Variants in PSPH observed in about 807,000 individuals in gnomAD.
PSPH encodes L-3-phosphoserine phosphatase.
A neutral mutation model predicts 23.4 loss-of-function variants in PSPH; 16 were observed. The ratio of observed to expected loss-of-function variants is 0.68; its 90% CI spans 0.46 to 1.04. The LOEUF (loss-of-function observed/expected upper bound fraction) is 1.04, where lower values mean the gene tolerates loss of function less well. Ranked by LOEUF, PSPH falls within the 50% of genes least tolerant of loss-of-function variation. The probability of loss-of-function intolerance (pLI) is 0.00; values close to 1 mark genes in which losing one functional copy is unlikely to be tolerated. For synonymous variants in PSPH, 68 were observed against 99.7 expected, an observed-to-expected ratio of 0.68 and a Z score of 1.89; for missense variants, 223 against 273.7, an observed-to-expected ratio of 0.81 and a Z score of 1.31.
intron 4 of PSPH, among the ~76,000 whole-genome samples, chr7:56,020,670 G>T (rs1219555885): frequency 1.3e-5 from 2 of 152,054 alleles, no homozygotes. Flanking sequence ...TGGGGGACTG[G>T]GACTGCAGAG....
chr7:56,038,622 C>A (rs1285029541), intron 1 of PSPH, among the ~76,000 whole-genome samples: 1 of 151,912 alleles, frequency 6.6e-6, no homozygotes, highest in Non-Finnish European at 1.5e-5. Flanking sequence ...ATCGCTTGAG[C>A]CCAGGAGTTC....
At chr7:56,029,339 G>C (rs1437769095) in intron 3 of PSPH, among the ~76,000 whole-genome samples, 1 of 151,996 alleles carries the variant, frequency 6.6e-6, no homozygotes, top group Non-Finnish European at 1.5e-5. Flanking sequence ...GGCCAGGGTA[G>C]AAGACATGCC....
intron 2 of PSPH, chr7:56,033,511 T>G (rs1302924837): frequency 6.9e-6 from 1 of 145,068 alleles, no homozygotes; most frequent in Non-Finnish European, 1.5e-5. Context: ...AAAAAAAAAA[T>G]AAATAAAAAT....
At position 56,017,366 on chromosome 7, in the gene PSPH, G is replaced by A. The variant is rs754344374; in HGVS notation, c.289C>T (p.Arg97Cys). The change falls in exon 6 of 8, where the codon CGC (arginine) becomes TGC (cysteine). Residue 97 changes from arginine (R) to cysteine (C), a missense_variant. Physicochemically the swap from Arg to Cys is radical, Grantham distance 180. Transcript: ENST00000275605. Reference sequence around the variant, plus strand: ...ACCTGAACATTTCGCTCCTGTAGGCGACTTACCAGCTCCCTGCAAAATAAA... The same window carrying A: ...ACCTGAACATTTCGCTCCTGTAGGCAACTTACCAGCTCCCTGCAAAATAAA... Reference protein sequence around the residue: ...LTPGIRELVSRLQERNVQVFL... With the variant: ...LTPGIRELVSCLQERNVQVFL... 3.4e-6 allele frequency: 5 copies of A among 1,478,364 alleles called. No homozygotes were observed. Among genetic ancestry groups the A allele is most frequent in the African/African-American group, 1.5e-5 (1 of 68,718 alleles). 91.6% of individuals were successfully genotyped at this position (1,478,364 alleles called of 1,614,324 possible).
chr7:56,017,086 C>CA (rs1788658615), intron 6 of PSPH, 148 bp downstream of exon 6: 1 of 1,409,418 alleles, frequency 7.1e-7, no homozygotes, highest in African/African-American at 1.4e-5. Flanking sequence ...CAAAGGGTAC[C>CA]AAAGGGCAAA....
rs2116513736 is a variant in PSPH at position 56,015,061 on chromosome 7, C to T, written c.532G>A (p.Gly178Arg). 6.2e-7 allele frequency: 1 copy of T among 1,614,084 alleles called. No homozygotes were observed. Among genetic ancestry groups the T allele is most frequent in the East Asian group, 2.2e-5 (1 of 44,872 alleles). ...KFHFKKIIMIGDGATDMEACP... is the reference protein window; with the variant it reads ...KFHFKKIIMIRDGATDMEACP... ...GCTTCCATATCTGTGGCACCATCTC[C>T]AATCATGATTATTTTCTTAAAATGA... Residue 178 changes from glycine (G) to arginine (R), a missense_variant, in exon 7 of 8, where the codon GGA becomes AGA. Physicochemically the swap from Gly to Arg is moderately radical, Grantham distance 125. Coordinates refer to ENST00000275605, the MANE Select transcript of PSPH (RefSeq NM_004577.4).
intron 3 of PSPH, among the ~76,000 whole-genome samples, chr7:56,027,211 CAAA>C (rs11322718): frequency 1.6e-4 from 18 of 115,406 alleles, no homozygotes; most frequent in Non-Finnish European, 1.8e-4. Flanking sequence ...GTCTCAAAAA[CAAA>C]AAAAAAAAAA....
chr7:56,038,141 A>C (rs1324792331), intron 1 of PSPH, among the ~76,000 whole-genome samples: 1 of 151,896 alleles, frequency 6.6e-6, no homozygotes, highest in African/African-American at 2.4e-5. Flanking sequence ...GTTATTCAGT[A>C]ACATTGAACA....
At chr7:56,012,101 A>AT (rs1238951700) in intron 7 of PSPH, among the ~76,000 whole-genome samples, 6 of 151,000 alleles carry the variant, frequency 4.0e-5, no homozygotes, top group African/African-American at 1.5e-4. Context: ...GGGTCTTGCT[A>AT]TGTTGCCAGG....
intron 3 of PSPH, among the ~76,000 whole-genome samples, chr7:56,029,492 T>TAAA (rs59890123): frequency 2.9e-4 from 22 of 76,848 alleles, no homozygotes; most frequent in South Asian, 4.8e-4. Flanking sequence ...ACCAACTGAT[T>TAAA]AAAAAAAAAA....
At chr7:56,012,433 A>G (rs1405862428) in intron 7 of PSPH, among the ~76,000 whole-genome samples, 3 of 151,892 alleles carry the variant, frequency 2.0e-5, no homozygotes, top group African/African-American at 7.3e-5. Flanking sequence ...CTCCCGCCTC[A>G]GCCTCCCAAA....
chr7:56,030,387 C>G (rs1790801324), intron 3 of PSPH, among the ~76,000 whole-genome samples: 1 of 151,948 alleles, frequency 6.6e-6, no homozygotes, highest in East Asian at 1.9e-4. Context: ...TGGGAGCTCA[C>G]CTCGGCCTCC....
In PSPH at chr7:56,011,584, A is replaced by G; in HGVS notation, c.*178T>C. 3.7e-6 allele frequency: 2 copies of G among 533,456 alleles called. No homozygotes were observed. The highest frequency in any genetic ancestry group is 3.1e-5 in the Admixed American group (1 of 31,776). 33.0% of individuals were successfully genotyped at this position (533,456 alleles called of 1,614,324 possible). ...ATAGTCATCATATAATACTGGAACT[A>G]CAGTTAAAAAAAAAAAAAAAGCAAT... On this transcript the variant is annotated 3_prime_UTR_variant, in exon 8 of 8. Transcript: ENST00000275605.
At position 56,039,254 on chromosome 7, in the gene PSPH, A is replaced by G. The variant is rs139275536; in HGVS notation, c.-291-5148T>C. 3.8e-3 allele frequency among the ~76,000 whole-genome samples: 571 copies of G among 152,260 alleles called. 2 individuals are homozygous for G. The highest frequency in any genetic ancestry group is 0.013 in the African/African-American group (537 of 41,558). ...CCAATAGCCACTGGAAACTTTAAAA[A>G]GAGACTATCATTTAATGTCATAAAT... On this transcript the variant is annotated intron_variant, in intron 1 of 7. Coordinates refer to ENST00000275605, the MANE Select transcript of PSPH (RefSeq NM_004577.4).
At chr7:56,021,643 G>A (rs1437069287) in intron 3 of PSPH, among the ~76,000 whole-genome samples, 1 of 149,486 alleles carries the variant, frequency 6.7e-6, no homozygotes, top group Admixed American at 6.7e-5. Context: ...TAGTGAGGAA[G>A]CAAGCATTAA....
In PSPH at chr7:56,011,815, C is replaced by A. The variant is rs762164953; in HGVS notation, c.625G>T (p.Ala209Ser). Reference sequence around the variant, plus strand: ...ACAAAATCAGTGATATACCATTTGGCGTTATCCTTGACTTGTTGCCTGATC... The same window carrying A: ...ACAAAATCAGTGATATACCATTTGGAGTTATCCTTGACTTGTTGCCTGATC... ...NVIRQQVKDN[A>S]KWYITDFVEL... The change falls in exon 8 of 8, where the codon GCC becomes TCC. Residue 209 changes from alanine to serine, a missense_variant. By Grantham distance (99) the Ala-to-Ser change is moderately conservative. Transcript: ENST00000275605. 1 of 1,613,514 alleles carries A rather than the reference C, an allele frequency of 6.2e-7. No individual in the cohort carries two copies. Among genetic ancestry groups the A allele is most frequent in the South Asian group, 1.1e-5 (1 of 91,056 alleles).
chr7:56,019,018 C>T (rs2116614749), intron 5 of PSPH, among the ~76,000 whole-genome samples: 1 of 151,308 alleles, frequency 6.6e-6, no homozygotes, highest in East Asian at 1.9e-4. Flanking sequence ...TGGCATGCAC[C>T]TGTAGTCCCC....
chr7:56,016,628 T>C (rs901761457), intron 6 of PSPH, among the ~76,000 whole-genome samples: 2 of 151,900 alleles, frequency 1.3e-5, no homozygotes, highest in African/African-American at 4.8e-5. Flanking sequence ...GGAAGTGCAG[T>C]GGCGAGATCT....
chr7:56,025,525 C>T (rs112584067), intron 3 of PSPH, among the ~76,000 whole-genome samples: 107 of 152,102 alleles, frequency 7.0e-4, no homozygotes, highest in African/African-American at 2.4e-3. Flanking sequence ...TCCCAAAGTG[C>T]TGGAACTACA....
Sources: gnomAD v4.1 joint callset for allele counts (sites outside exome capture counted in the v4.1 genomes callset) on GRCh38, gnomAD v4.1.1 for gene constraint, MANE v1.5 for transcripts, NCBI Gene and HGNC (gene_info 2026-07-23, HGNC 2026-07-21) for gene names.